Variants in AGL observed in about 807,000 individuals in gnomAD.
The protein encoded by AGL is amylo-alpha-1,6-glucosidase and 4-alpha-glucanotransferase, also known as glycogen debranching enzyme.
In AGL, 128 loss-of-function variants were observed where a neutral mutation model predicts 199.3. The observed-to-expected ratio is 0.64, with a 90% CI of 0.56 to 0.74. The LOEUF (loss-of-function observed/expected upper bound fraction) is 0.74, where lower values mean the gene tolerates loss of function less well. AGL is among the 30% of genes least tolerant of loss of function. AGL has a pLI of 0.00. For synonymous variants in AGL, 584 were observed against 594.7 expected (o/e 0.98, Z 0.26); for missense variants, 1,809 against 1,820.8 (o/e 0.99, Z 0.12).
At chr1:99,872,586 TG>T (rs897479875) in intron 7 of AGL, among the ~76,000 whole-genome samples, 17 of 151,980 alleles carry the variant, frequency 1.1e-4, no homozygotes, top group African/African-American at 3.9e-4. Context: ...TAGAGTGCAG[TG>T]GTGTGATCTT....
chr1:99,879,764 A>G (rs888142589), intron 12 of AGL, among the ~76,000 whole-genome samples, 159 bp from the exon 13 acceptor site: 1 of 151,758 alleles, frequency 6.6e-6, no homozygotes, highest in Non-Finnish European at 1.5e-5. Flanking sequence ...TCTTCTCTTG[A>G]TAAATTCTCT....
At position 99,874,777 on chromosome 1, in the gene AGL, T is replaced by A. The variant is rs761122742; in HGVS notation, c.1049T>A (p.Met350Lys). 1 of 1,613,824 alleles carries A rather than the reference T, an allele frequency of 6.2e-7. No homozygotes were observed. Among genetic ancestry groups the A allele is most frequent in the East Asian group, 2.2e-5 (1 of 44,852 alleles). The change falls in exon 8 of 34, where the codon ATG becomes AAG. Residue 350 changes from methionine to lysine, a missense_variant. Physicochemically the swap from Met to Lys is moderately conservative, Grantham distance 95. Coordinates refer to ENST00000361915, the MANE Select transcript of AGL (RefSeq NM_000642.3). ...EYRRFGCTVDMNIALTTFIPH... is the reference protein window; with the variant it reads ...EYRRFGCTVDKNIALTTFIPH... ...AGACGGTTTGGCTGTACTGTAGATA[T>A]GAACATTGCACTAACGACTTTCATA... is the stretch of plus-strand genomic sequence containing the variant.
chr1:99,871,585 A>C (rs1232577737), intron 7 of AGL, among the ~76,000 whole-genome samples: 1 of 152,224 alleles, frequency 6.6e-6, no homozygotes, highest in Non-Finnish European at 1.5e-5. Flanking sequence ...TGCAGAAAAC[A>C]GAACTAGAGT....
At chr1:99,857,108 G>A (rs867772998) in intron 2 of AGL, among the ~76,000 whole-genome samples, 197 of 149,614 alleles carry the variant, frequency 1.3e-3, no homozygotes, top group African/African-American at 4.0e-3. Context: ...GCGGCTGGCC[G>A]GGCAGAGGGG....
At chr1:99,860,398 A>T (rs1024777013) in intron 2 of AGL, among the ~76,000 whole-genome samples, 1 of 152,098 alleles carries the variant, frequency 6.6e-6, no homozygotes, top group Non-Finnish European at 1.5e-5. Flanking sequence ...ATTAATTGAA[A>T]GTTATATTCG....
chr1:99,861,589 T>C lies in AGL; in HGVS notation c.169T>C (p.Phe57Leu), dbSNP rs756476562. Residue 57 changes from phenylalanine to leucine, a missense_variant, in exon 3 of 34, where the codon TTT becomes CTT. Phe to Leu is a conservative substitution (Grantham distance 22, BLOSUM62 0). Coordinates refer to ENST00000361915, the MANE Select transcript of AGL (RefSeq NM_000642.3). ...YTNYPFPGET[F>L]NREKFRSLDW... ...AAATTACCCATTTCCTGGAGAAACA[T>C]TTAATAGAGAAAAATTCCGTTCTCT... 5 of 1,613,964 alleles carry C rather than the reference T, an allele frequency of 3.1e-6. No individual in the cohort carries two copies. In the East Asian group the frequency reaches 8.9e-5, roughly 29 times the overall value.
intron 17 of AGL, among the ~76,000 whole-genome samples, chr1:99,883,295 G>C (rs1040768286): frequency 1.3e-5 from 2 of 152,032 alleles, no homozygotes; most frequent in Admixed American, 1.3e-4. Flanking sequence ...TTAAAGTAAG[G>C]TTGAAATTTT....
chr1:99,916,589 CT>C lies in AGL; in HGVS notation c.4348-3del. 1.9e-6 allele frequency: 3 copies of C among 1,611,918 alleles called. No homozygotes were observed. Among genetic ancestry groups the C allele is most frequent in the Non-Finnish European group, 1.7e-6 (2 of 1,179,046 alleles). ...TGGTTTTTTTTGTCTTTTAAATAAT[CT>C]TTTTTAGGAGTGGCTGTGGCCTATT... On this transcript the variant is annotated splice_region_variant and splice_polypyrimidine_tract_variant and intron_variant, in intron 32 of 33. Coordinates refer to ENST00000361915, the MANE Select transcript of AGL (RefSeq NM_000642.3).
chr1:99,859,344 T>A (rs895477550), intron 2 of AGL, among the ~76,000 whole-genome samples: 16 of 149,798 alleles, frequency 1.1e-4, no homozygotes, highest in African/African-American at 4.0e-4. Context: ...ATAAAAAGCA[T>A]TTTTTCTGTG....
intron 21 of AGL, among the ~76,000 whole-genome samples, chr1:99,890,206 T>C (rs543935168): frequency 1.1e-4 from 17 of 152,206 alleles, no homozygotes; most frequent in Non-Finnish European, 2.5e-4. Context: ...CCAAATCTTG[T>C]TACCTCATCT....
At chr1:99,880,591 A>G in intron 13 of AGL, 41 bp from the exon 14 acceptor site, 1 of 1,600,410 alleles carries the variant, frequency 6.2e-7, no homozygotes, top group Non-Finnish European at 8.6e-7. Context: ...TCCTGGACAT[A>G]AATAATGAAG....
At chr1:99,886,489 A>G (rs1652464833) in intron 20 of AGL, among the ~76,000 whole-genome samples, 1 of 36,106 alleles carries the variant, frequency 2.8e-5, no homozygotes, top group Admixed American at 3.5e-4. Flanking sequence ...TGTCTCTAGA[A>G]AAAAAAAAAG....
chr1:99,884,097 A>T, intron 17 of AGL, 23 bp from the exon 18 acceptor site: 2 of 1,596,168 alleles, frequency 1.3e-6, no homozygotes, highest in Non-Finnish European at 1.7e-6. Flanking sequence ...AAATTTTGTT[A>T]AAATGTTTTT....
intron 20 of AGL, among the ~76,000 whole-genome samples, chr1:99,885,840 A>G (rs996360415): frequency 7.9e-5 from 12 of 152,144 alleles, no homozygotes; most frequent in East Asian, 3.8e-4. Context: ...TTACAATGTA[A>G]TAATAGTAGA....
chr1:99,876,435 AAT>A, intron 10 of AGL, 21 bp from the exon 11 acceptor site: 1 of 1,497,976 alleles, frequency 6.7e-7, no homozygotes, highest in Non-Finnish European at 9.1e-7. Flanking sequence ...GTATGGATTT[AAT>A]ATTTAATTAT....
chr1:99,909,852 G>A (rs115202423), intron 27 of AGL, among the ~76,000 whole-genome samples: 2,265 of 152,086 alleles, frequency 0.015, 28 homozygotes, highest in Non-Finnish European at 0.022. Flanking sequence ...CATACCAGAA[G>A]TTTTTGAACT....
chr1:99,918,764 G>A (rs1428002824), intron 33 of AGL, among the ~76,000 whole-genome samples: 2 of 152,118 alleles, frequency 1.3e-5, no homozygotes, highest in African/African-American at 4.8e-5. Flanking sequence ...ATCCTTTCTG[G>A]TCTTGATTTT....
In AGL at chr1:99,915,409, A is replaced by G. The variant is rs756382269; in HGVS notation, c.4182A>G (p.Thr1394=). ...AMVVAPELFT[T]EKAWKALEIA... ...ACTAGGCCCCTGAGCTCTTTACTAC[A>G]GAAAAAGCATGGAAAGCTTTGGAGA... The change falls in exon 31 of 34, where the codon ACA becomes ACG. Residue 1394 remains threonine (T), a synonymous_variant. Transcript: ENST00000361915. 14 of 1,614,012 alleles carry G rather than the reference A, an allele frequency of 8.7e-6. No individual in the cohort carries two copies. Among genetic ancestry groups the G allele is most frequent in the Non-Finnish European group, 1.1e-5 (13 of 1,179,944 alleles).
In AGL at chr1:99,910,845, A is replaced by G; in HGVS notation, c.3834A>G (p.Pro1278=). 2 of 1,612,286 alleles carry G rather than the reference A, an allele frequency of 1.2e-6. No individual in the cohort carries two copies. The highest frequency in any genetic ancestry group is 1.1e-5 in the South Asian group (1 of 90,922). Reference sequence around the variant, plus strand: ...GAAACAGAGGAATCCCAGCCACACCAAGGTAGTGTAAATGTTATAATGCTG... The same window carrying G: ...GAAACAGAGGAATCCCAGCCACACCGAGGTAGTGTAAATGTTATAATGCTG... The part of the protein sequence containing the change: ...RARNRGIPAT[P]RDGSAVEIVG... The change falls in exon 28 of 34, where the codon CCA becomes CCG. Residue 1278 remains proline (P), a splice_region_variant and synonymous_variant. Transcript: ENST00000361915.
Sources: allele counts gnomAD v4.1 joint callset (sites outside exome capture counted in the v4.1 genomes callset), GRCh38; gene constraint gnomAD v4.1.1; transcripts MANE v1.5; gene names NCBI Gene and HGNC (gene_info 2026-07-23, HGNC 2026-07-21).